Variants in PUM2 observed in about 807,000 individuals in gnomAD.
PUM2 encodes pumilio RNA binding family member 2.
In PUM2, 57 loss-of-function variants were observed where a neutral mutation model predicts 124.5. The observed-to-expected ratio is 0.46, with a 90% confidence interval of 0.37 to 0.57. The LOEUF (loss-of-function observed/expected upper bound fraction) is 0.57, where lower values mean the gene tolerates loss of function less well. Among genes scored for constraint, PUM2 ranks in the 20% least tolerant of loss-of-function variants. The pLI is 0.00. For synonymous variants in PUM2, 460 were observed against 446.1 expected, an observed-to-expected ratio of 1.03 and a Z score of -0.39; for missense variants, 1,065 against 1,290.6, an observed-to-expected ratio of 0.83 and a Z score of 2.68.
In PUM2 at chr2:20,255,274, G is replaced by A; in HGVS notation, c.2690C>T (p.Ala897Val). Residue 897 changes from alanine to valine, a missense_variant, in exon 18 of 21, where the codon GCA (alanine) becomes GTA (valine). Around this residue, in one of 3 missense-constraint regions of PUM2, gnomAD observed 968 missense variants for 1,159.8 expected, o/e 0.83. Coordinates refer to ENST00000361078, the MANE Select transcript of PUM2 (RefSeq NM_015317.5). ...TTCTAAGATAGGTAAGGTCTGTTCTGCAGTGCAATGCTCTAGGATGCGCTG... is the reference window on the plus strand; with the variant it reads ...TTCTAAGATAGGTAAGGTCTGTTCTACAGTGCAATGCTCTAGGATGCGCTG... ...VIQRILEHCT[A>V]EQTLPILEEL... 2 of 1,607,388 alleles carry A rather than the reference G, an allele frequency of 1.2e-6. No homozygotes were observed. Among genetic ancestry groups the A allele is most frequent in the Non-Finnish European group, 1.7e-6 (2 of 1,173,976 alleles).
At chr2:20,278,169 A>G (rs2148826653) in intron 13 of PUM2, among the ~76,000 whole-genome samples, 1 of 152,310 alleles carries the variant, frequency 6.6e-6, no homozygotes, top group Admixed American at 6.5e-5. Flanking sequence ...GCATAGAAAG[A>G]CCAAAGCAAA....
intron 10 of PUM2, among the ~76,000 whole-genome samples, chr2:20,288,416 G>A (rs1673216780): frequency 6.6e-6 from 1 of 152,194 alleles, no homozygotes; most frequent in African/African-American, 2.4e-5. Flanking sequence ...TAGAGATACT[G>A]CAAAGGAATT....
chr2:20,259,657 T>C (rs756608985), intron 15 of PUM2, among the ~76,000 whole-genome samples: 6 of 152,238 alleles, frequency 3.9e-5, no homozygotes, highest in African/African-American at 7.2e-5. Flanking sequence ...TGTATACATA[T>C]ACCACTTGTA....
chr2:20,333,370 C>G (rs1685311313), intron 1 of PUM2, among the ~76,000 whole-genome samples: 1 of 151,812 alleles, frequency 6.6e-6, no homozygotes, highest in African/African-American at 2.4e-5. Flanking sequence ...CCTAGCTCTA[C>G]AAAAAATTAA....
intron 1 of PUM2, chr2:20,331,896 C>G (rs1684998600): frequency 6.6e-6 from 1 of 152,188 alleles, no homozygotes; most frequent in African/African-American, 2.4e-5. Context: ...CATATGATCT[C>G]TGCTGCAGCT....
intron 17 of PUM2, 37 bp downstream of exon 17, chr2:20,255,996 C>A: frequency 6.7e-7 from 1 of 1,492,584 alleles, no homozygotes; most frequent in South Asian, 1.4e-5. Flanking sequence ...TAAAATAATG[C>A]CCTGCTAACA....
At chr2:20,335,859 TATATATGTGCA>T (rs1417231560) in intron 1 of PUM2, among the ~76,000 whole-genome samples, 1 of 152,228 alleles carries the variant, frequency 6.6e-6, no homozygotes, top group Non-Finnish European at 1.5e-5. Flanking sequence ...TAGACAAATC[TATATATGTGCA>T]AACATAAGAT....
chr2:20,255,157 A>G (rs1309129577), intron 18 of PUM2, 59 bp downstream of exon 18: 1 of 1,523,712 alleles, frequency 6.6e-7, no homozygotes, highest in Non-Finnish European at 9.0e-7. Flanking sequence ...TATTTCTTTT[A>G]AAAATTAAAA....
intron 10 of PUM2, 87 bp from the exon 11 acceptor site, chr2:20,283,573 AGAC>A (rs1455486242): frequency 7.7e-7 from 1 of 1,306,234 alleles, no homozygotes; most frequent in Non-Finnish European, 1.1e-6. Context: ...TTTTTCAACT[AGAC>A]AACACAGCTA....
intron 7 of PUM2, among the ~76,000 whole-genome samples, chr2:20,300,519 T>C (rs28632187): frequency 9.9e-5 from 15 of 151,336 alleles, no homozygotes; most frequent in Admixed American, 2.6e-4. Context: ...GGCCTTAGAA[T>C]TTTATTTTGG....
In PUM2 at chr2:20,249,068, G is replaced by C. The variant is rs1572491858; in HGVS notation, c.*2517C>G. On this transcript the variant is annotated 3_prime_UTR_variant, in exon 21 of 21. Coordinates refer to ENST00000361078, the MANE Select transcript of PUM2 (RefSeq NM_015317.5). ...TTGTAGAGCAGGCCTGAAAGTATTG[G>C]GAAGATTGGGTTGTCAGCACTGGGA... 1 of 152,204 alleles carries C rather than the reference G, an allele frequency of 6.6e-6. No individual in the cohort carries two copies. Among genetic ancestry groups the C allele is most frequent in the Non-Finnish European group, 1.5e-5 (1 of 68,050 alleles). 9.4% of individuals were successfully genotyped at this position (152,204 alleles called of 1,614,324 possible). A position where few individuals can be genotyped will look rare whatever the true frequency, so the allele number is the denominator to read the frequency against.
chr2:20,311,220 T>C (rs1679524502), intron 5 of PUM2, among the ~76,000 whole-genome samples: 1 of 152,112 alleles, frequency 6.6e-6, no homozygotes. Flanking sequence ...AGTTCAAATT[T>C]AGACTATTAT....
intron 7 of PUM2, among the ~76,000 whole-genome samples, chr2:20,303,369 CTA>C (rs1018582972): frequency 3.3e-5 from 5 of 150,850 alleles, no homozygotes; most frequent in African/African-American, 7.3e-5. Flanking sequence ...CCACTGCACT[CTA>C]TGCCTGGGTG....
chr2:20,273,765 T>C (rs1346802895), intron 13 of PUM2, among the ~76,000 whole-genome samples: 2 of 152,132 alleles, frequency 1.3e-5, no homozygotes, highest in African/African-American at 4.8e-5. Flanking sequence ...AGTCCCTAAA[T>C]TGCCTGCCTT....
chr2:20,264,038 T>C (rs1004974193), intron 13 of PUM2, among the ~76,000 whole-genome samples: 1 of 151,976 alleles, frequency 6.6e-6, no homozygotes, highest in African/African-American at 2.4e-5. Context: ...AAAATTTTTA[T>C]TTAAAATATT....
At chr2:20,257,230 A>C (rs1253360579) in intron 16 of PUM2, among the ~76,000 whole-genome samples, 1 of 152,110 alleles carries the variant, frequency 6.6e-6, no homozygotes, top group African/African-American at 2.4e-5. Flanking sequence ...AAATGTGTTT[A>C]TATTTCTCCA....
intron 2 of PUM2, among the ~76,000 whole-genome samples, chr2:20,325,610 A>G (rs1237821195): frequency 6.6e-6 from 1 of 151,122 alleles, no homozygotes; most frequent in Non-Finnish European, 1.5e-5. Flanking sequence ...ATGTAGGAGT[A>G]TGACTCTCTT....
intron 1 of PUM2, among the ~76,000 whole-genome samples, chr2:20,347,505 T>C (rs1163546921): frequency 6.6e-6 from 1 of 152,156 alleles, no homozygotes; most frequent in African/African-American, 2.4e-5. Flanking sequence ...AGCTTGAAAA[T>C]AGAAAACTTC....
chr2:20,253,796 T>C (rs1558468016), intron 20 of PUM2, 26 bp downstream of exon 20: 1 of 1,569,396 alleles, frequency 6.4e-7, no homozygotes. Context: ...GACAAACAGT[T>C]ATCTGAGTGT....
Sources: allele counts gnomAD v4.1 joint callset (sites outside exome capture counted in the v4.1 genomes callset), GRCh38; gene constraint gnomAD v4.1.1; regional missense constraint gnomAD v4.1.1; transcripts MANE v1.5; gene names NCBI Gene and HGNC (gene_info 2026-07-23, HGNC 2026-07-21).